CDHR5: variants seen among roughly 807,000 people sequenced by gnomAD.
The protein encoded by CDHR5 is cadherin related family member 5, also known as cadherin-related family member 5.
In CDHR5, 82 loss-of-function variants were observed where a neutral mutation model predicts 69.5. The ratio of observed to expected loss-of-function variants is 1.18; its 90% CI spans 0.99 to 1.42. The LOEUF is 1.42. Among genes scored for constraint, CDHR5 ranks in the 40% most tolerant of loss-of-function variants. The pLI is 0.00. For missense variants in CDHR5, 1,293 were observed against 1,168.9 expected (o/e 1.11, Z -1.55); for synonymous variants, 601 against 510.2 (o/e 1.18, Z -2.40).
In CDHR5 at chr11:621,951, G is replaced by A. The variant is rs186533174; in HGVS notation, c.313-47C>T. The stretch of plus-strand genomic sequence containing the variant: ...CTCTCCCACAGCCCCTCCCCGTTGT[G>A]AGGTGCACCCCTCGACGGCTATCCG... On this transcript the variant is annotated intron_variant, in intron 3 of 14. Coordinates refer to ENST00000397542, the MANE Select transcript of CDHR5 (RefSeq NM_021924.5). The surrounding 1 kb of genome is among the most constrained non-coding windows in gnomAD (Gnocchi z 4.4). 5.4e-3 allele frequency: 7,961 copies of A among 1,475,920 alleles called. 56 individuals carry two copies. The highest frequency in any genetic ancestry group is 4.8e-3 in the Non-Finnish European group (5,108 of 1,063,106). 91.4% of individuals were successfully genotyped at this position (1,475,920 alleles called of 1,614,324 possible).
chr11:624,560 G>C lies in CDHR5; in HGVS notation c.258C>G (p.Tyr86Ter). 6.2e-7 allele frequency: 1 copy of C among 1,605,960 alleles called. No homozygotes were observed. The highest frequency in any genetic ancestry group is 8.5e-7 in the Non-Finnish European group (1 of 1,174,534). The change falls in exon 2 of 15, where the codon TAC becomes TAG. Residue 86 changes from tyrosine (Y) to a stop codon, truncating the protein, a stop_gained. Coordinates refer to ENST00000397542, the MANE Select transcript of CDHR5 (RefSeq NM_021924.5). LOFTEE classifies it high-confidence loss of function. This position sits in a 1 kb window ranked among gnomAD's most constrained non-coding sequence, Gnocchi z 5.3. ...CCCGCCCGCCTGCCGCCCACACCTCGTAATCAGGAGTCACGTTGAGAAACA... is the reference window on the plus strand; with the variant it reads ...CCCGCCCGCCTGCCGCCCACACCTCCTAATCAGGAGTCACGTTGAGAAACA... Reference protein sequence around the residue: ...NQLFLNVTPDYEEKSLLEAQL... With the variant: ...NQLFLNVTPD
At chr11:617,838 A>G in intron 14 of CDHR5, 68 bp from the exon 15 acceptor site, 1 of 1,476,298 alleles carries the variant, frequency 6.8e-7, no homozygotes. Flanking sequence ...GCACACCCTC[A>G]TTCCACGCTG....
chr11:618,818 G>A lies in CDHR5; in HGVS notation c.1741C>T (p.Pro581Ser), dbSNP rs1176510692. 19 of 1,611,060 alleles carry A rather than the reference G, an allele frequency of 1.2e-5. No homozygotes were observed. Among genetic ancestry groups the A allele is most frequent in the Middle Eastern group, 1.7e-4 (1 of 6,044 alleles). Residue 581 changes from proline (P) to serine (S), a missense_variant, in exon 13 of 15, where the codon CCG becomes TCG. Pro to Ser is a moderately conservative substitution (Grantham distance 74). Coordinates refer to ENST00000397542, the MANE Select transcript of CDHR5 (RefSeq NM_021924.5). ...CTGGTTCCCATACTGGGGGGCATCGGCTGAGAGGTTCCTGGCTCTGGGGTC... is the reference window on the plus strand; with the variant it reads ...CTGGTTCCCATACTGGGGGGCATCGACTGAGAGGTTCCTGGCTCTGGGGTC... ...AQTPEPGTSQ[P>S]MPPSMGTSTS... is the part of the protein sequence containing the mutation.
Position 624,204 on chromosome 11 carries a change from G to T in CDHR5, c.312+9C>A. ...CGGGTGGGGCGGGGAGAGCGGGGCG[G>T]GGACTCACCAATGTGCCTCCGCTCT... On this transcript the variant is annotated intron_variant, in intron 3 of 14. Coordinates refer to ENST00000397542, the MANE Select transcript of CDHR5 (RefSeq NM_021924.5). This position sits in a 1 kb window ranked among gnomAD's most constrained non-coding sequence, Gnocchi z 5.3. The T allele has an allele frequency of 1.3e-6, 1 of 757,660 alleles. No individual in the cohort carries two copies. The highest frequency in any genetic ancestry group is 2.5e-5 in the East Asian group (1 of 40,382). 46.9% of individuals were successfully genotyped at this position (757,660 alleles called of 1,614,324 possible).
At position 619,676 on chromosome 11, in the gene CDHR5, TCTACCGAGAACTCCGGGTCCTGAGC is replaced by T; in HGVS notation, c.1159_1179+4del. On this transcript the variant is annotated splice_donor_variant and splice_donor_region_variant and coding_sequence_variant and intron_variant, in exon 10 of 15. Coordinates refer to ENST00000397542, the MANE Select transcript of CDHR5 (RefSeq NM_021924.5). LOFTEE classifies it high-confidence loss of function. ...CAGAGGGGAGGCCTTGGATGCACTC[TCTACCGAGAACTCCGGGTCCTGAGC>T]CTGGATCCTCAGAGGCTGAGAAGGG... The T allele has an allele frequency of 6.2e-7, 1 of 1,613,220 alleles. No individual in the cohort carries two copies. The highest frequency in any genetic ancestry group is 8.5e-7 in the Non-Finnish European group (1 of 1,179,864).
rs370560374 is a variant in CDHR5 at position 621,171 on chromosome 11, C to T, written c.698G>A (p.Arg233Gln). ...LVLNVVPADL[R>Q]PPWFLPCTFS... is the part of the protein sequence containing the mutation. ...GGTGCAGGGCAGGAACCACGGGGGC[C>T]GCAGGTCGGCGGGCACCACGTTCAG... is the stretch of plus-strand genomic sequence containing the variant. Residue 233 changes from arginine to glutamine, a missense_variant, in exon 7 of 15, where the codon CGG (arginine) becomes CAG (glutamine). Physicochemically the swap from Arg to Gln is conservative, Grantham distance 43. Coordinates refer to ENST00000397542, the MANE Select transcript of CDHR5 (RefSeq NM_021924.5). The surrounding 1 kb of genome is among the most constrained non-coding windows in gnomAD (Gnocchi z 4.4). 67 of 1,605,428 alleles carry T rather than the reference C, an allele frequency of 4.2e-5. No individual in the cohort carries two copies. The highest frequency in any genetic ancestry group is 5.1e-5 in the Non-Finnish European group (60 of 1,175,630).
In CDHR5 at chr11:621,850, C is replaced by A; in HGVS notation, c.367G>T (p.Glu123Ter). 1 of 1,613,696 alleles carries A rather than the reference C, an allele frequency of 6.2e-7. No individual in the cohort carries two copies. Among genetic ancestry groups the A allele is most frequent in the Non-Finnish European group, 8.5e-7 (1 of 1,179,848 alleles). ...ATCTCCTTGGTCTTAAAGGGGAATT[C>A]GGGGGCATTGTCATTGACGTCCAGC... is the stretch of plus-strand genomic sequence containing the variant. Reference protein sequence around the residue: ...SVLDVNDNAPEFPFKTKEIRV... With the variant: ...SVLDVNDNAP The change falls in exon 4 of 15, where the codon GAA (glutamate) becomes TAA (stop). Residue 123 changes from glutamate to a stop codon, truncating the protein, a stop_gained. Coordinates refer to ENST00000397542, the MANE Select transcript of CDHR5 (RefSeq NM_021924.5). LOFTEE classifies it high-confidence loss of function. This position sits in a 1 kb window ranked among gnomAD's most constrained non-coding sequence, Gnocchi z 4.4.
At chr11:618,201 T>TGGGTTCCACCCAGGCCTG in intron 13 of CDHR5, 90 bp from the exon 14 acceptor site, 2 of 1,136,982 alleles carry the variant, frequency 1.8e-6, no homozygotes, top group Non-Finnish European at 2.5e-6. Flanking sequence ...TTGGGACACT[T>TGGGTTCCACCCAGGCCTG]GGGTTCCACC....
In CDHR5 at chr11:619,744, C is replaced by T. The variant is rs1336882737; in HGVS notation, c.1116G>A (p.Val372=). 6.2e-7 allele frequency: 1 copy of T among 1,612,442 alleles called. No individual in the cohort carries two copies. Among genetic ancestry groups the T allele is most frequent in the Admixed American group, 1.7e-5 (1 of 60,010 alleles). Residue 372 remains valine, a synonymous_variant, in exon 10 of 15, where the codon GTG becomes GTA. Coordinates refer to ENST00000397542, the MANE Select transcript of CDHR5 (RefSeq NM_021924.5). ...TVARGAGAGV[V]VKDAAAPSQP... ...GAGAAGGGGCAGCTGCATCCTTGAC[C>T]ACAACGCCCGCTCCAGCGCCACGCG...
At chr11:620,958 C>T (rs1026556776) in intron 7 of CDHR5, 122 bp downstream of exon 7, 29 of 690,200 alleles carry the variant, frequency 4.2e-5, no homozygotes, top group East Asian at 2.9e-4. Context: ...TTCAAAATCA[C>T]GACCGAAATC....
chr11:618,450 G>T, intron 13 of CDHR5, 149 bp downstream of exon 13: 1 of 964,130 alleles, frequency 1.0e-6, no homozygotes, highest in Non-Finnish European at 1.5e-6. Context: ...GGGGGCCTTG[G>T]GCCTGTCTGT....
Position 624,157 on chromosome 11 carries a change from G to T in CDHR5, c.312+56C>A. The stretch of plus-strand genomic sequence containing the variant: ...TCAAAGACTGGTCCTGGACCGGCAG[G>T]GCAGAGCCCAGCAGAGGTGGCCGGG... On this transcript the variant is annotated intron_variant, in intron 3 of 14. Transcript: ENST00000397542. The surrounding 1 kb of genome is among the most constrained non-coding windows in gnomAD (Gnocchi z 5.3). The T allele has an allele frequency of 1.4e-6, 1 of 728,384 alleles. No homozygotes were observed. The highest frequency in any genetic ancestry group is 2.6e-5 in the East Asian group (1 of 38,944). 45.1% of individuals were successfully genotyped at this position (728,384 alleles called of 1,614,324 possible).
chr11:616,945 T>A lies in CDHR5; in HGVS notation c.*406A>T. The A allele has an allele frequency of 4.5e-6, 1 of 220,952 alleles. No homozygotes were observed. The highest frequency in any genetic ancestry group is 9.1e-6 in the Non-Finnish European group (1 of 109,706). The allele number at this position is 220,952 out of a possible 1,614,324, so 13.7% of individuals were successfully genotyped here. On this transcript the variant is annotated 3_prime_UTR_variant, in exon 15 of 15. Coordinates refer to ENST00000397542, the MANE Select transcript of CDHR5 (RefSeq NM_021924.5). ...TCAGCCTCCCCAGGCAATCTCTGTG[T>A]AGGGTCGGGAGCGGGAGGTCTGAGA...
intron 3 of CDHR5, among the ~76,000 whole-genome samples, chr11:623,435 C>T (rs1029162203): frequency 1.3e-5 from 2 of 152,150 alleles, no homozygotes; most frequent in African/African-American, 2.4e-5. Context: ...CCTCAGGATT[C>T]TGCAATTTTC....
rs371539735 is a variant in CDHR5, at chr11:618,074, C to A, written c.1998G>T (p.Val666=). 3.1e-6 allele frequency: 5 copies of A among 1,610,078 alleles called. No individual in the cohort carries two copies. Among genetic ancestry groups the A allele is most frequent in the Non-Finnish European group, 4.2e-6 (5 of 1,178,772 alleles). Residue 666 remains valine, a synonymous_variant, in exon 14 of 15, where the codon GTG becomes GTT. Coordinates refer to ENST00000397542, the MANE Select transcript of CDHR5 (RefSeq NM_021924.5). The part of the protein sequence containing the change: ...GPSEDKRFSV[V]DMAALGGVLG... The stretch of plus-strand genomic sequence containing the variant: ...GCACCCCGCCCAGGGCCGCCATATC[C>A]ACCACCGAGAAGCGCTTGTCCTCCG...
rs559062471 is a variant in CDHR5 at position 620,374 on chromosome 11, C to T, written c.802G>A (p.Val268Ile). 30 of 1,606,082 alleles carry T rather than the reference C, an allele frequency of 1.9e-5. No individual in the cohort carries two copies. In the East Asian group the frequency reaches 3.8e-4, roughly 20 times the overall value. Residue 268 changes from valine (V) to isoleucine (I), a missense_variant, in exon 8 of 15, where the codon GTC becomes ATC. Physicochemically the swap from Val to Ile is conservative, Grantham distance 29. Transcript: ENST00000397542. ...GCGTAGATGGGTCCGGGACGCAGGA[C>T]GAGGGGAGATGGCTTCAGGGATGGC... ...PTGHILPSPL[V>I]LRPGPIYAED...
chr11:623,620 G>A (rs2133217560), intron 3 of CDHR5, among the ~76,000 whole-genome samples: 1 of 152,086 alleles, frequency 6.6e-6, no homozygotes, highest in East Asian at 1.9e-4. Context: ...CCTCTGCACA[G>A]TATGTCTGGG....
In CDHR5 at chr11:617,757, T is replaced by C. The variant is rs1353279772; in HGVS notation, c.2132A>G (p.Gln711Arg). 1.4e-6 allele frequency: 2 copies of C among 1,454,432 alleles called. No homozygotes were observed. Among genetic ancestry groups the C allele is most frequent in the Non-Finnish European group, 1.8e-6 (2 of 1,110,716 alleles). 90.1% of individuals were successfully genotyped at this position (1,454,432 alleles called of 1,614,324 possible). Residue 711 changes from glutamine (Q) to arginine (R), a missense_variant, in exon 15 of 15, where the codon CAA (glutamine) becomes CGA (arginine). Gln to Arg is a conservative substitution (Grantham distance 43). Transcript: ENST00000397542. ...GAGGAACGCCTGGTTGTCAAAGCCT[T>C]GGGGCTGGGGCTCCTGCAGGCGGGA... ...CCGKAPEPQP[Q>R]GFDNQAFLPD... is the part of the protein sequence containing the mutation.
chr11:619,221 C>A, intron 12 of CDHR5, 41 bp from the exon 13 acceptor site: 1 of 1,464,164 alleles, frequency 6.8e-7, no homozygotes. Flanking sequence ...CTCTGCCCGC[C>A]CCTTGCACAC....
Sources: allele counts gnomAD v4.1 joint callset (sites outside exome capture counted in the v4.1 genomes callset), GRCh38; gene constraint gnomAD v4.1.1; non-coding constraint Gnocchi (gnomAD v3.1); transcripts MANE v1.5; gene names NCBI Gene and HGNC (gene_info 2026-07-23, HGNC 2026-07-21).